The following HBS1L variants were observed in gnomAD, a reference collection of about 807,000 sequenced individuals.
The protein encoded by HBS1L is HBS1 like translational GTPase, also known as HBS1-like protein.
A neutral mutation model predicts 88.9 loss-of-function variants in HBS1L; 55 were observed. That is an observed-to-expected ratio of 0.62 (90% CI 0.50 to 0.77). HBS1L has a LOEUF of 0.77. HBS1L is among the 30% of genes least tolerant of loss of function. HBS1L has a pLI of 0.00. For synonymous variants in HBS1L, 267 were observed against 288.5 expected, an observed-to-expected ratio of 0.93 and a Z score of 0.76; for missense variants, 741 against 829.3, an observed-to-expected ratio of 0.89 and a Z score of 1.31.
rs572665808 is a variant in HBS1L, at chr6:134,973,707, C to T, written c.1798-4369G>A. 6.6e-5 allele frequency among the ~76,000 whole-genome samples: 10 copies of T among 152,192 alleles called. No individual in the cohort carries two copies. The South Asian group carries it at 2.1e-3, about 32-fold the overall frequency. On this transcript the variant is annotated intron_variant, in intron 15 of 17. Transcript: ENST00000367837. ...TAGTGCACACCTGTAGTCCCAGCTA[C>T]TCGAGAGGCTGAGGCAGTTCCGGGA...
intron 15 of HBS1L, among the ~76,000 whole-genome samples, chr6:134,972,854 CCAT>C (rs1284698256): frequency 1.3e-5 from 2 of 152,184 alleles, no homozygotes; most frequent in Non-Finnish European, 2.9e-5. Flanking sequence ...ACCAAAACCA[CCAT>C]GAGACACCAC....
chr6:135,032,373 TA>T, intron 4 of HBS1L, among the ~76,000 whole-genome samples: 1 of 152,232 alleles, frequency 6.6e-6, no homozygotes, highest in African/African-American at 2.4e-5. Flanking sequence ...ATCTAAAAAT[TA>T]AAATTGTATA....
chr6:134,973,260 G>C (rs965423749), intron 15 of HBS1L, among the ~76,000 whole-genome samples: 6 of 152,198 alleles, frequency 3.9e-5, no homozygotes, highest in African/African-American at 1.4e-4. Context: ...TGTTATTCAG[G>C]CTTAAAAGGG....
At chr6:135,019,921 ATAAC>A (rs1583121385) in intron 4 of HBS1L, among the ~76,000 whole-genome samples, 1 of 152,040 alleles carries the variant, frequency 6.6e-6, no homozygotes, top group East Asian at 1.9e-4. Flanking sequence ...ATGTAGATGT[ATAAC>A]TATTGTAGTT....
rs749429532 is a variant in HBS1L at position 134,996,886 on chromosome 6, T to C, written c.856A>G (p.Asn286Asp). 3.1e-6 allele frequency: 5 copies of C among 1,609,312 alleles called. No individual in the cohort carries two copies. Among genetic ancestry groups the C allele is most frequent in the East Asian group, 2.2e-5 (1 of 44,746 alleles). Residue 286 changes from asparagine to aspartate, a missense_variant, in exon 7 of 18, where the codon AAT becomes GAT. This residue lies in a region of HBS1L where 556 missense variants were observed against 598.4 expected (regional missense o/e 0.93). Coordinates refer to ENST00000367837, the MANE Select transcript of HBS1L (RefSeq NM_006620.4). ...TTATGCATAGTTCTTTTGTTTATAT[T>C]ACCCAGAAGATAAAGCATATGGCCC... The part of the protein sequence containing the change: ...LMGHMLYLLG[N>D]INKRTMHKYE...
chr6:134,982,315 C>T (rs1420483960), intron 13 of HBS1L, 143 bp downstream of exon 13: 1 of 593,874 alleles, frequency 1.7e-6, no homozygotes, highest in Non-Finnish European at 3.0e-6. Context: ...ACATTTTAAT[C>T]TTCAACAGTC....
intron 7 of HBS1L, among the ~76,000 whole-genome samples, chr6:134,995,710 T>A (rs1775269972): frequency 6.6e-6 from 1 of 151,940 alleles, no homozygotes; most frequent in Non-Finnish European, 1.5e-5. Flanking sequence ...GAAAATTATT[T>A]AGGCTTCTAC....
intron 4 of HBS1L, among the ~76,000 whole-genome samples, chr6:135,003,927 A>G (rs1425337870): frequency 6.6e-6 from 1 of 152,202 alleles, no homozygotes; most frequent in Non-Finnish European, 1.5e-5. Context: ...AGAATAAATT[A>G]TGAGCTAGAT....
intron 15 of HBS1L, among the ~76,000 whole-genome samples, chr6:134,971,006 A>G (rs1003294561): frequency 3.3e-5 from 5 of 152,242 alleles, no homozygotes; most frequent in South Asian, 2.1e-4. Flanking sequence ...GGAATTTCCT[A>G]GCCAAAATAG....
Position 134,962,534 on chromosome 6 carries a change from T to C in HBS1L, c.*2745A>G, listed in dbSNP as rs1249981869. On this transcript the variant is annotated 3_prime_UTR_variant, in exon 18 of 18. Coordinates refer to ENST00000367837, the MANE Select transcript of HBS1L (RefSeq NM_006620.4). Reference sequence around the variant, plus strand: ...GAGAAAAACAGCTATGCCTAGAAACTGGCCTCTAAAACATTTCTCACAGTA... The same window carrying C: ...GAGAAAAACAGCTATGCCTAGAAACCGGCCTCTAAAACATTTCTCACAGTA... 1 of 152,228 alleles carries C rather than the reference T, an allele frequency of 6.6e-6. No homozygotes were observed. Among genetic ancestry groups the C allele is most frequent in the Non-Finnish European group, 1.5e-5 (1 of 68,034 alleles). The allele number at this position is 152,228 out of a possible 1,614,324, so 9.4% of individuals were successfully genotyped here.
rs914729542 is a variant in HBS1L, at chr6:134,979,253, T to C, written c.1613A>G (p.Asp538Gly). 4 of 1,611,778 alleles carry C rather than the reference T, an allele frequency of 2.5e-6. No individual in the cohort carries two copies. Among genetic ancestry groups the C allele is most frequent in the South Asian group, 2.2e-5 (2 of 91,012 alleles). Residue 538 changes from aspartate (D) to glycine (G), a missense_variant, in exon 14 of 18, where the codon GAT becomes GGT. Physicochemically the swap from Asp to Gly is moderately conservative, Grantham distance 94 (BLOSUM62 -1). This residue lies in a region of HBS1L where 181 missense variants were observed against 212.7 expected (regional missense o/e 0.85). Coordinates refer to ENST00000367837, the MANE Select transcript of HBS1L (RefSeq NM_006620.4). ...TCTVKGITLH[D>G]EPVDWAAAGD... is the part of the protein sequence containing the mutation. ...TGCTGCCGCCCAGTCGACAGGTTCATCATGCAGAGTGATTCCTGGAAATGA... is the reference window on the plus strand; with the variant it reads ...TGCTGCCGCCCAGTCGACAGGTTCACCATGCAGAGTGATTCCTGGAAATGA...
intron 4 of HBS1L, among the ~76,000 whole-genome samples, chr6:135,030,609 G>A (rs1794971742): frequency 6.6e-6 from 1 of 152,122 alleles, no homozygotes. Flanking sequence ...CAAGAAACCA[G>A]TTAGATGTTT....
At chr6:134,973,062 T>C (rs1774536128) in intron 15 of HBS1L, among the ~76,000 whole-genome samples, 1 of 152,144 alleles carries the variant, frequency 6.6e-6, no homozygotes, top group African/African-American at 2.4e-5. Context: ...AACACAGAAT[T>C]ACCATATGAT....
chr6:135,002,424 A>G (rs1304539585), intron 5 of HBS1L, among the ~76,000 whole-genome samples: 1 of 152,206 alleles, frequency 6.6e-6, no homozygotes, highest in Admixed American at 6.5e-5. Context: ...ACCTAGTGGT[A>G]TAAGAATTCC....
intron 4 of HBS1L, among the ~76,000 whole-genome samples, chr6:135,022,056 C>T (rs1480914127): frequency 3.3e-5 from 5 of 152,000 alleles, no homozygotes; most frequent in Admixed American, 2.0e-4. Context: ...CTCTAAAACT[C>T]GAGGGGAAAG....
intron 2 of HBS1L, among the ~76,000 whole-genome samples, chr6:135,049,567 TA>T (rs199730745): frequency 1.4e-3 from 215 of 152,308 alleles, no homozygotes; most frequent in Non-Finnish European, 2.1e-3. Flanking sequence ...TATACCATAT[TA>T]AATTTTTTTT....
chr6:134,977,023 C>T (rs770662342), intron 15 of HBS1L, among the ~76,000 whole-genome samples: 1 of 151,988 alleles, frequency 6.6e-6, no homozygotes, highest in Non-Finnish European at 1.5e-5. Context: ...AGTATTATGG[C>T]ATTAGTCCCT....
rs1366185301 is a variant in HBS1L at position 134,979,223 on chromosome 6, T to A, written c.1643A>T (p.Asp548Val). 12 of 1,612,298 alleles carry A rather than the reference T, an allele frequency of 7.4e-6. No homozygotes were observed. Among genetic ancestry groups the A allele is most frequent in the African/African-American group, 1.3e-5 (1 of 74,930 alleles). Reference protein sequence around the residue: ...DEPVDWAAAGDHVSLTLVGMD... With the variant: ...DEPVDWAAAGVHVSLTLVGMD... ...CCCAACCAAAGTAAGACTAACATGA[T>A]CGCCTGCTGCCGCCCAGTCGACAGG... The change falls in exon 14 of 18, where the codon GAT (aspartate) becomes GTT (valine). Residue 548 changes from aspartate (D) to valine (V), a missense_variant. Coordinates refer to ENST00000367837, the MANE Select transcript of HBS1L (RefSeq NM_006620.4).
At chr6:135,013,335 T>G (rs1344659543) in intron 4 of HBS1L, among the ~76,000 whole-genome samples, 8 of 152,214 alleles carry the variant, frequency 5.3e-5, no homozygotes, top group Admixed American at 3.3e-4. Flanking sequence ...TACCAGGACA[T>G]TTACAAACAC....
Sources: gnomAD v4.1 joint callset for allele counts (sites outside exome capture counted in the v4.1 genomes callset) on GRCh38, gnomAD v4.1.1 for gene constraint, gnomAD v4.1.1 regional missense constraint, MANE v1.5 for transcripts, NCBI Gene and HGNC (gene_info 2026-07-23, HGNC 2026-07-21) for gene names.